COL17A1: variants seen among roughly 807,000 people sequenced by gnomAD.
COL17A1 encodes the protein collagen type XVII alpha 1 chain.
A neutral mutation model predicts 218.4 loss-of-function variants in COL17A1; 181 were observed. The observed-to-expected ratio is 0.83, with a 90% CI of 0.73 to 0.94. The LOEUF is 0.94. COL17A1 is among the 40% of genes least tolerant of loss of function. COL17A1 has a pLI of 0.00. For synonymous variants in COL17A1, 721 were observed against 731.0 expected (o/e 0.99, Z 0.22); for missense variants, 1,924 against 1,945.9 (o/e 0.99, Z 0.21).
intron 3 of COL17A1, 66 bp from the exon 4 acceptor site, chr10:104,077,592 C>G (rs1020223602): frequency 7.3e-7 from 1 of 1,363,018 alleles, no homozygotes; most frequent in Non-Finnish European, 1.0e-6. Flanking sequence ...CCTGGTCCCC[C>G]ACCCTGTGGA....
chr10:104,059,711 A>G lies in COL17A1; in HGVS notation c.1149T>C (p.Phe383=). The G allele has an allele frequency of 6.2e-7, 1 of 1,614,156 alleles. No homozygotes were observed. Among genetic ancestry groups the G allele is most frequent in the Non-Finnish European group, 8.5e-7 (1 of 1,180,024 alleles). ...ASPASIAATS[F]SEDTLKKEKQ... ...TTTCTTTTTTTAGGGTGTCTTCTGA[A>G]AAAGAAGCTATGTACAGAACCCATT... The change falls in exon 15 of 56, where the codon TTT becomes TTC. Residue 383 remains phenylalanine, a synonymous_variant. Transcript: ENST00000648076.
intron 31 of COL17A1, 81 bp from the exon 32 acceptor site, chr10:104,046,854 G>A (rs547094938): frequency 1.0e-4 from 133 of 1,329,544 alleles, no homozygotes; most frequent in Middle Eastern, 1.8e-4. Context: ...TGCAGAAACC[G>A]GTGGACACTG....
intron 4 of COL17A1, 120 bp downstream of exon 4, chr10:104,077,302 T>C: frequency 1.3e-6 from 1 of 767,160 alleles, no homozygotes; most frequent in South Asian, 1.5e-5. Context: ...GTGATTGTAA[T>C]TGTCCCTTTT....
At position 104,058,138 on chromosome 10, in the gene COL17A1, T is replaced by C. The variant is rs1391846423; in HGVS notation, c.1267+8A>G. 2 of 1,614,204 alleles carry C rather than the reference T, an allele frequency of 1.2e-6. No homozygotes were observed. Among genetic ancestry groups the C allele is most frequent in the Admixed American group, 1.7e-5 (1 of 60,018 alleles). ...CCTGTCACTGCAGGGTTCGCGGTTCTCACCCACCTGCAGTGGTGGTCTTGC... is the reference window on the plus strand; with the variant it reads ...CCTGTCACTGCAGGGTTCGCGGTTCCCACCCACCTGCAGTGGTGGTCTTGC... On this transcript the variant is annotated splice_region_variant and intron_variant, in intron 16 of 55. Coordinates refer to ENST00000648076, the MANE Select transcript of COL17A1 (RefSeq NM_000494.4).
chr10:104,058,174 C>T lies in COL17A1; in HGVS notation c.1239G>A (p.Val413=). The change falls in exon 16 of 56, where the codon GTG becomes GTA. Residue 413 remains valine (V), a synonymous_variant. Transcript: ENST00000648076. The part of the protein sequence containing the change: ...KAEANGDLKT[V]STKGKTTTAD... ...CAGTGGTGGTCTTGCCCTTTGTGGACACAGTCTTCAGGTCTCCTGAAAGGA... is the reference window on the plus strand; with the variant it reads ...CAGTGGTGGTCTTGCCCTTTGTGGATACAGTCTTCAGGTCTCCTGAAAGGA... The T allele has an allele frequency of 6.2e-7, 1 of 1,614,222 alleles. No homozygotes were observed. The highest frequency in any genetic ancestry group is 1.3e-5 in the African/African-American group (1 of 75,064).
intron 33 of COL17A1, among the ~76,000 whole-genome samples, chr10:104,045,257 T>A (rs2086397425): frequency 6.6e-6 from 1 of 152,134 alleles, no homozygotes; most frequent in South Asian, 2.1e-4. Flanking sequence ...CTCAGTAGCA[T>A]CTTAACACTC....
chr10:104,032,171 C>G lies in COL17A1; in HGVS notation c.*64G>C, dbSNP rs805687. On this transcript the variant is annotated 3_prime_UTR_variant, in exon 56 of 56. Coordinates refer to ENST00000648076, the MANE Select transcript of COL17A1 (RefSeq NM_000494.4). ...GACTCCAGCTTTCACCCTCTGGAGA[C>G]CTTGGACCTAAGTGCCACATGCATT... The G allele has an allele frequency of 0.18, 237,622 of 1,320,836 alleles. 23,214 individuals are homozygous for G. The highest frequency in any genetic ancestry group is 0.36 in the African/African-American group (25,191 of 69,102). 81.8% of individuals were successfully genotyped at this position (1,320,836 alleles called of 1,614,324 possible).
chr10:104,044,012 A>T (rs1319318618), intron 33 of COL17A1, 152 bp from the exon 34 acceptor site: 1 of 829,140 alleles, frequency 1.2e-6, no homozygotes, highest in Non-Finnish European at 2.1e-6. Context: ...AAGGAAGGCA[A>T]GCAGGATGCA....
chr10:104,062,178 TG>T (rs2086588502), intron 12 of COL17A1, 79 bp downstream of exon 12: 3 of 1,605,420 alleles, frequency 1.9e-6, no homozygotes, highest in Non-Finnish European at 2.6e-6. Context: ...AGGGACATTT[TG>T]GGTCTCCTAA....
chr10:104,033,923 A>G, intron 52 of COL17A1, 22 bp downstream of exon 52: 2 of 1,614,074 alleles, frequency 1.2e-6, no homozygotes, highest in Non-Finnish European at 1.7e-6. Context: ...CCCAGCACCA[A>G]GGCCTAAATG....
chr10:104,037,539 G>T, intron 46 of COL17A1, 97 bp downstream of exon 46: 1 of 1,455,566 alleles, frequency 6.9e-7, no homozygotes, highest in South Asian at 1.1e-5. Flanking sequence ...TTCCAGAGAA[G>T]GGCAAAGCAA....
intron 8 of COL17A1, among the ~76,000 whole-genome samples, chr10:104,070,882 T>A (rs2086664066): frequency 6.6e-6 from 1 of 152,132 alleles, no homozygotes; most frequent in South Asian, 2.1e-4. Flanking sequence ...GACACTATTA[T>A]CTAGGATCAG....
intron 23 of COL17A1, 66 bp downstream of exon 23, chr10:104,052,965 G>C (rs1214564783): frequency 6.5e-7 from 1 of 1,544,354 alleles, no homozygotes. Context: ...AAGGAGGGAC[G>C]GGTGTTGACA....
chr10:104,067,518 G>A (rs986228797), intron 9 of COL17A1, among the ~76,000 whole-genome samples: 2 of 152,138 alleles, frequency 1.3e-5, no homozygotes, highest in African/African-American at 2.4e-5. Context: ...AGTAAGAAAC[G>A]AATTGGAAAA....
In COL17A1 at chr10:104,050,181, C is replaced by G. The variant is rs369142708; in HGVS notation, c.2129-57G>C. On this transcript the variant is annotated intron_variant, in intron 27 of 55. Coordinates refer to ENST00000648076, the MANE Select transcript of COL17A1 (RefSeq NM_000494.4). ...CACAGTTGTGAGCAAGGAAAACACTCTCACCCAGTAACAGGGTCCCCGGCT... is the reference window on the plus strand; with the variant it reads ...CACAGTTGTGAGCAAGGAAAACACTGTCACCCAGTAACAGGGTCCCCGGCT... The G allele has an allele frequency of 4.3e-6, 7 of 1,611,930 alleles. No individual in the cohort carries two copies. In the African/African-American group the frequency reaches 9.3e-5, roughly 22 times the overall value.
chr10:104,057,051 G>A lies in COL17A1; in HGVS notation c.1389C>T (p.Ser463=). 6.2e-7 allele frequency: 1 copy of A among 1,607,632 alleles called. No homozygotes were observed. Residue 463 remains serine, a synonymous_variant, in exon 17 of 56, where the codon AGC becomes AGT. Transcript: ENST00000648076. ...GCAGGCCCAGCAGCCACTTCCACCAGCTGCAGCAGGAGCCGCAGGGGCACC... is the reference window on the plus strand; with the variant it reads ...GCAGGCCCAGCAGCCACTTCCACCAACTGCAGCAGGAGCCGCAGGGGCACC... The part of the protein sequence containing the change: ...PAWCPCGSCC[S]WWKWLLGLLL...
chr10:104,062,393 G>A (rs934007641), intron 11 of COL17A1, 64 bp from the exon 12 acceptor site: 12 of 1,608,776 alleles, frequency 7.5e-6, no homozygotes, highest in African/African-American at 2.7e-5. Context: ...GGCTTAGGAC[G>A]GCCCCCAGAG....
At chr10:104,051,758 A>G (rs1032976865) in intron 24 of COL17A1, among the ~76,000 whole-genome samples, 2 of 152,098 alleles carry the variant, frequency 1.3e-5, no homozygotes, top group African/African-American at 4.8e-5. Flanking sequence ...GGGGCAGTAG[A>G]ACATTTGGGT....
chr10:104,039,203 G>A, intron 43 of COL17A1, 82 bp from the exon 44 acceptor site: 1 of 1,389,438 alleles, frequency 7.2e-7, no homozygotes, highest in Admixed American at 1.7e-5. Flanking sequence ...ATTAGTGTGT[G>A]TCTCAACAAT....
Sources: allele counts gnomAD v4.1 joint callset (sites outside exome capture counted in the v4.1 genomes callset), GRCh38; gene constraint gnomAD v4.1.1; transcripts MANE v1.5; gene names NCBI Gene and HGNC (gene_info 2026-07-23, HGNC 2026-07-21).